Variants in ABI1 observed in about 807,000 individuals in gnomAD.
ABI1 encodes Abelson interactor 1.
In ABI1, 14 loss-of-function variants were observed where a neutral mutation model predicts 54.6. That is an observed-to-expected ratio of 0.26 (90% CI 0.17 to 0.40). The LOEUF (loss-of-function observed/expected upper bound fraction) is 0.40. ABI1 is among the 10% of genes least tolerant of loss of function. The probability of loss-of-function intolerance (pLI) is 1.00; values close to 1 mark genes in which losing one functional copy is unlikely to be tolerated. For synonymous variants in ABI1, 194 were observed against 209.3 expected (o/e 0.93, Z 0.63); for missense variants, 443 against 598.3 (o/e 0.74, Z 2.71).
At chr10:26,800,373 A>T (rs1351828933) in intron 2 of ABI1, among the ~76,000 whole-genome samples, 1 of 152,112 alleles carries the variant, frequency 6.6e-6, no homozygotes, top group Non-Finnish European at 1.5e-5. Flanking sequence ...GGAAAGAGTG[A>T]GACTGTGTCT....
At chr10:26,839,148 T>A (rs1197686288) in intron 1 of ABI1, among the ~76,000 whole-genome samples, 1 of 152,202 alleles carries the variant, frequency 6.6e-6, no homozygotes, top group Non-Finnish European at 1.5e-5. Flanking sequence ...ATTTAACACG[T>A]TTCTAGGTTA....
rs1013444691 is a variant in ABI1, at chr10:26,777,244, A to G, written c.286-3T>C. ...TTCTCCTTATGAATATCCACAGTCT[A>G]TATTTTAATTTGAACAAAACAAGAA... On this transcript the variant is annotated splice_region_variant and splice_polypyrimidine_tract_variant and intron_variant, in intron 2 of 10. Coordinates refer to ENST00000376140, the MANE Select transcript of ABI1 (RefSeq NM_001012750.3). 12 of 1,599,178 alleles carry G rather than the reference A, an allele frequency of 7.5e-6. No individual in the cohort carries two copies. The highest frequency in any genetic ancestry group is 1.0e-5 in the Non-Finnish European group (12 of 1,174,094).
At chr10:26,765,061 T>A (rs11015272) in intron 7 of ABI1, among the ~76,000 whole-genome samples, 157 bp downstream of exon 7, 9,346 of 152,280 alleles carry the variant, frequency 0.061, 430 homozygotes, top group East Asian at 0.19. Context: ...TGAAAAGCAA[T>A]CTAAAAATAT....
Position 26,757,774 on chromosome 10 carries a change from C to CA in ABI1, c.997+1287dup, listed in dbSNP as rs1338609196. Among the ~76,000 whole-genome samples, 4 of 151,814 alleles carry CA rather than the reference C, an allele frequency of 2.6e-5. No individual in the cohort carries two copies. In the South Asian group the frequency reaches 6.2e-4, roughly 24 times the overall value. On this transcript the variant is annotated intron_variant, in intron 8 of 10. Coordinates refer to ENST00000376140, the MANE Select transcript of ABI1 (RefSeq NM_001012750.3). ...ACATAATTTATGTTTAAAATTTAAA[C>CA]AAAAAACTAATGAGAACTTTCAGTG... is the stretch of plus-strand genomic sequence containing the variant.
chr10:26,830,098 C>A (rs2048565640), intron 1 of ABI1, among the ~76,000 whole-genome samples: 1 of 152,092 alleles, frequency 6.6e-6, no homozygotes, highest in African/African-American at 2.4e-5. Flanking sequence ...TAGCAGAATG[C>A]CCTTAAGATT....
intron 2 of ABI1, among the ~76,000 whole-genome samples, chr10:26,809,517 C>G (rs890256912): frequency 6.6e-6 from 1 of 151,960 alleles, no homozygotes; most frequent in Non-Finnish European, 1.5e-5. Context: ...ATGATCACAC[C>G]ATTGCACACC....
At chr10:26,844,979 T>C (rs1265964841) in intron 1 of ABI1, among the ~76,000 whole-genome samples, 1 of 152,184 alleles carries the variant, frequency 6.6e-6, no homozygotes, top group Non-Finnish European at 1.5e-5. Flanking sequence ...AAGATGAATC[T>C]TCCCAAAGCA....
chr10:26,810,765 T>C (rs2047180533), intron 2 of ABI1, among the ~76,000 whole-genome samples: 1 of 152,140 alleles, frequency 6.6e-6, no homozygotes. Context: ...GAAGGTCTGG[T>C]TACCACACCA....
In ABI1 at chr10:26,846,138, T is replaced by C. The variant is rs942187838; in HGVS notation, c.117+14609A>G. Among the ~76,000 whole-genome samples, 8 of 143,774 alleles carry C rather than the reference T, an allele frequency of 5.6e-5. No individual in the cohort carries two copies. In the South Asian group the frequency reaches 1.3e-3, roughly 24 times the overall value. The allele number at this position is 143,774 out of a possible 152,430, so 94.3% of individuals were successfully genotyped here. A position where few individuals can be genotyped will look rare whatever the true frequency, so the allele number is the denominator to read the frequency against. Reference sequence around the variant, plus strand: ...GTCTGGGCGACAGAGTGAGACTCCGTCTCAAAAAAAAAAAAAAGATTTTAG... The same window carrying C: ...GTCTGGGCGACAGAGTGAGACTCCGCCTCAAAAAAAAAAAAAAGATTTTAG... On this transcript the variant is annotated intron_variant, in intron 1 of 10. Transcript: ENST00000376140.
At chr10:26,749,085 T>C (rs543040184) in intron 10 of ABI1, among the ~76,000 whole-genome samples, 1 of 152,196 alleles carries the variant, frequency 6.6e-6, no homozygotes, top group South Asian at 2.1e-4. Context: ...TTCAAAATAA[T>C]TATCAGGCAA....
intron 1 of ABI1, among the ~76,000 whole-genome samples, chr10:26,845,663 T>C (rs1022880567): frequency 2.6e-5 from 4 of 152,076 alleles, no homozygotes; most frequent in African/African-American, 9.7e-5. Context: ...AATAATAATA[T>C]AGACATCATA....
intron 1 of ABI1, among the ~76,000 whole-genome samples, chr10:26,848,723 C>T (rs2050177721): frequency 6.6e-6 from 1 of 151,604 alleles, no homozygotes; most frequent in Admixed American, 6.6e-5. Flanking sequence ...ATTCTCCTGC[C>T]TCAGTCTCCC....
intron 2 of ABI1, among the ~76,000 whole-genome samples, chr10:26,816,448 T>C (rs1444576841): frequency 2.0e-5 from 3 of 152,078 alleles, no homozygotes; most frequent in Non-Finnish European, 2.9e-5. Flanking sequence ...CATAAAAACT[T>C]TATGTTAAAG....
chr10:26,770,582 A>G, intron 4 of ABI1: 1 of 684,152 alleles, frequency 1.5e-6, no homozygotes, highest in Non-Finnish European at 2.7e-6. Flanking sequence ...GACTGGATTT[A>G]ATATCTTATT....
chr10:26,782,343 T>C (rs570153232), intron 2 of ABI1, among the ~76,000 whole-genome samples: 1 of 151,636 alleles, frequency 6.6e-6, no homozygotes, highest in African/African-American at 2.4e-5. Flanking sequence ...TTATCAAAAA[T>C]CAGCTCAAAA....
At chr10:26,753,730 A>G (rs1052079309) in intron 9 of ABI1, among the ~76,000 whole-genome samples, 1 of 152,250 alleles carries the variant, frequency 6.6e-6, no homozygotes, top group Non-Finnish European at 1.5e-5. Context: ...GTACTGATAC[A>G]TATTTTAACA....
intron 1 of ABI1, 71 bp from the exon 2 acceptor site, chr10:26,823,376 G>T: frequency 8.5e-7 from 1 of 1,175,216 alleles, no homozygotes. Context: ...CTATAGAAAG[G>T]CAAAGTTATA....
chr10:26,772,592 T>A (rs996898969), intron 3 of ABI1, among the ~76,000 whole-genome samples: 1 of 152,204 alleles, frequency 6.6e-6, no homozygotes, highest in South Asian at 2.1e-4. Context: ...TAACCTCTTA[T>A]GAAGTTCGGC....
chr10:26,782,584 A>G (rs1461369921), intron 2 of ABI1, among the ~76,000 whole-genome samples: 1 of 152,048 alleles, frequency 6.6e-6, no homozygotes, highest in Non-Finnish European at 1.5e-5. Flanking sequence ...TTAGCTGGGC[A>G]TGGTGGTGTG....
Sources: allele counts gnomAD v4.1 joint callset (sites outside exome capture counted in the v4.1 genomes callset), GRCh38; gene constraint gnomAD v4.1.1; transcripts MANE v1.5; gene names NCBI Gene and HGNC (gene_info 2026-07-23, HGNC 2026-07-21).